Variants in FAM193A observed in about 807,000 individuals in gnomAD.
FAM193A encodes protein FAM193A.
A neutral mutation model predicts 126.5 loss-of-function variants in FAM193A; 22 were observed. The observed-to-expected ratio is 0.17, with a 90% confidence interval of 0.12 to 0.25. The LOEUF (loss-of-function observed/expected upper bound fraction) is 0.25, where lower values mean the gene tolerates loss of function less well. FAM193A is among the 10% of genes least tolerant of loss of function. The pLI, the probability that FAM193A is intolerant of heterozygous loss-of-function variation, is 1.00. For missense variants in FAM193A, 1,675 were observed against 1,672.8 expected, an observed-to-expected ratio of 1.00 and a Z score of -0.02; for synonymous variants, 761 against 646.8, an observed-to-expected ratio of 1.18 and a Z score of -2.68.
chr4:2,726,844 G>A (rs1247778841), intron 20 of FAM193A, among the ~76,000 whole-genome samples: 1 of 149,162 alleles, frequency 6.7e-6, no homozygotes, highest in Non-Finnish European at 1.5e-5. Context: ...CAGCTACTCT[G>A]GAGTCTGAGG....
chr4:2,583,273 C>T (rs1740055419), intron 1 of FAM193A, among the ~76,000 whole-genome samples: 1 of 152,204 alleles, frequency 6.6e-6, no homozygotes, highest in South Asian at 2.1e-4. Flanking sequence ...TGCGCCCGGC[C>T]AAGTCTCAGT....
At chr4:2,541,646 A>G (rs763807797) in intron 1 of FAM193A, among the ~76,000 whole-genome samples, 5 of 151,792 alleles carry the variant, frequency 3.3e-5, no homozygotes, top group African/African-American at 9.7e-5. Context: ...GGGTTTCACC[A>G]TGTTGGCTAG....
At chr4:2,591,984 G>A (rs1490527312) in intron 1 of FAM193A, among the ~76,000 whole-genome samples, 1 of 151,896 alleles carries the variant, frequency 6.6e-6, no homozygotes, top group Admixed American at 6.6e-5. Context: ...GGGTTATCTT[G>A]GTCCCTTACA....
chr4:2,537,389 G>C (rs1414352245), intron 1 of FAM193A, among the ~76,000 whole-genome samples: 1 of 152,208 alleles, frequency 6.6e-6, no homozygotes, highest in South Asian at 2.1e-4. Context: ...AGCCTCTTGA[G>C]AGGAGAACCT....
chr4:2,570,220 G>C (rs1007315908), intron 1 of FAM193A, among the ~76,000 whole-genome samples: 1 of 152,086 alleles, frequency 6.6e-6, no homozygotes, highest in African/African-American at 2.4e-5. Flanking sequence ...CATTGGGCCG[G>C]TTTGAATCTG....
intron 1 of FAM193A, among the ~76,000 whole-genome samples, chr4:2,567,625 T>A (rs1432123650): frequency 6.6e-6 from 1 of 152,182 alleles, no homozygotes; most frequent in Non-Finnish European, 1.5e-5. Context: ...ATTGTATGTT[T>A]TTATATTTTG....
chr4:2,607,935 G>T, intron 2 of FAM193A: 7 of 1,342,568 alleles, frequency 5.2e-6, no homozygotes, highest in South Asian at 1.3e-5. Flanking sequence ...GTCGCTTTAT[G>T]AACACAGATT....
intron 4 of FAM193A, 65 bp from the exon 5 acceptor site, chr4:2,630,870 T>A: frequency 1.1e-6 from 1 of 879,654 alleles, no homozygotes; most frequent in Non-Finnish European, 1.8e-6. Flanking sequence ...GAAAAGATGC[T>A]CACTGACATC....
chr4:2,555,928 G>T (rs1416396686), intron 1 of FAM193A, among the ~76,000 whole-genome samples: 2 of 147,142 alleles, frequency 1.4e-5, no homozygotes, highest in Non-Finnish European at 3.0e-5. Context: ...TTTTGAGATG[G>T]AATTTTGCTT....
intron 20 of FAM193A, among the ~76,000 whole-genome samples, chr4:2,717,544 C>T (rs913373559): frequency 3.4e-5 from 5 of 147,980 alleles, no homozygotes; most frequent in East Asian, 2.0e-4. Context: ...TGCAGTGAGC[C>T]GACATAGCAC....
intron 19 of FAM193A, among the ~76,000 whole-genome samples, 156 bp from the exon 20 acceptor site, chr4:2,715,867 C>T (rs1560608648): frequency 6.6e-6 from 1 of 152,166 alleles, no homozygotes; most frequent in Non-Finnish European, 1.5e-5. Flanking sequence ...TGTTCATAAG[C>T]ACACCAAAGA....
At chr4:2,615,615 TTCAA>T (rs1235173039) in intron 2 of FAM193A, among the ~76,000 whole-genome samples, 2 of 149,854 alleles carry the variant, frequency 1.3e-5, no homozygotes, top group Non-Finnish European at 1.5e-5. Flanking sequence ...GCCTCCCGGG[TTCAA>T]GCAATTCTCC....
chr4:2,633,271 C>T (rs902582959), intron 5 of FAM193A, among the ~76,000 whole-genome samples: 3 of 151,720 alleles, frequency 2.0e-5, no homozygotes, highest in Non-Finnish European at 2.9e-5. Flanking sequence ...TGGTGGCGGG[C>T]GCCTGTAGTC....
chr4:2,581,128 C>CA (rs1739903493), intron 1 of FAM193A, among the ~76,000 whole-genome samples: 1 of 121,132 alleles, frequency 8.3e-6, no homozygotes, highest in Admixed American at 7.5e-5. Flanking sequence ...GACTCCGTCT[C>CA]AAAAAACAAC....
intron 19 of FAM193A, among the ~76,000 whole-genome samples, chr4:2,712,036 T>C (rs1392313476): frequency 6.6e-6 from 1 of 152,230 alleles, no homozygotes; most frequent in Non-Finnish European, 1.5e-5. Flanking sequence ...GTTAATAATT[T>C]ACAGGTTTTT....
intron 1 of FAM193A, among the ~76,000 whole-genome samples, chr4:2,540,520 G>A (rs967896267): frequency 2.2e-5 from 3 of 138,336 alleles, no homozygotes; most frequent in Non-Finnish European, 4.7e-5. Context: ...GGTGGCGGGC[G>A]CCCTGTAGTC....
At chr4:2,702,759 G>A (rs1717880873) in intron 19 of FAM193A, among the ~76,000 whole-genome samples, 1 of 152,156 alleles carries the variant, frequency 6.6e-6, no homozygotes, top group African/African-American at 2.4e-5. Context: ...AGAAGTCCCT[G>A]CCCTTACCCG....
intron 1 of FAM193A, among the ~76,000 whole-genome samples, chr4:2,557,147 A>G (rs995291989): frequency 2.0e-5 from 3 of 152,200 alleles, no homozygotes; most frequent in Non-Finnish European, 2.9e-5. Context: ...ATTAACAACA[A>G]TAACAGTAAT....
chr4:2,615,489 T>G (rs1249830121), intron 2 of FAM193A, among the ~76,000 whole-genome samples: 1 of 152,138 alleles, frequency 6.6e-6, no homozygotes, highest in African/African-American at 2.4e-5. Context: ...TTGACCCATG[T>G]TTTGTTCAGA....
Sources: gnomAD v4.1 joint callset for allele counts (sites outside exome capture counted in the v4.1 genomes callset) on GRCh38, gnomAD v4.1.1 for gene constraint, MANE v1.5 for transcripts, NCBI Gene and HGNC (gene_info 2026-07-23, HGNC 2026-07-21) for gene names.